PCDHGB7: variants seen among roughly 807,000 people sequenced by gnomAD.
PCDHGB7 encodes the protein protocadherin gamma subfamily B, 7, also known as protocadherin gamma-B7.
In PCDHGB7, 37 loss-of-function variants were observed where a neutral mutation model predicts 61.4. The ratio of observed to expected loss-of-function variants is 0.60; its 90% confidence interval spans 0.46 to 0.79. The LOEUF is 0.79. Among genes scored for constraint, PCDHGB7 ranks in the 30% least tolerant of loss-of-function variants. The probability of loss-of-function intolerance (pLI) is 0.00; values close to 1 mark genes in which losing one functional copy is unlikely to be tolerated. For missense variants in PCDHGB7, 1,166 were observed against 1,202.5 expected (o/e 0.97, Z 0.45); for synonymous variants, 464 against 503.5 (o/e 0.92, Z 1.05).
rs1213653891 is a variant in PCDHGB7 at position 141,419,687 on chromosome 5, C to T, written c.1828C>T (p.Gln610Ter). 1.9e-6 allele frequency: 3 copies of T among 1,612,692 alleles called. No individual in the cohort carries two copies. In the African/African-American group the frequency reaches 4.0e-5, roughly 22 times the overall value. The change falls in exon 1 of 4, where the codon CAG (glutamine) becomes TAG (stop). Residue 610 changes from glutamine to a stop codon, truncating the protein, a stop_gained. Transcript: ENST00000398594. LOFTEE classifies it high-confidence loss of function. Reference protein sequence around the residue: ...HNAWLSYHVVQASEPGLFSLG... With the variant: ...HNAWLSYHVV ...TGCCTGGCTGTCCTACCACGTGGTG[C>T]AGGCCAGTGAGCCCGGGCTCTTCAG...
chr5:141,491,119 G>A lies in PCDHGB7; in HGVS notation c.2416-3688G>A. 6.2e-7 allele frequency: 1 copy of A among 1,614,216 alleles called. No individual in the cohort carries two copies. The highest frequency in any genetic ancestry group is 1.1e-5 in the South Asian group (1 of 91,086). ...GTTCCTCGTGTCTACACACACTGGT[G>A]AGGTGCGCACAGCCCGGGCCTTACT... On this transcript the variant is annotated intron_variant, in intron 1 of 3. Transcript: ENST00000398594. The surrounding 1 kb of genome is among the most constrained non-coding windows in gnomAD (Gnocchi z 6.9).
intron 1 of PCDHGB7, chr5:141,423,846 C>G: frequency 1.6e-6 from 2 of 1,278,968 alleles, no homozygotes; most frequent in Non-Finnish European, 2.0e-6. Flanking sequence ...GATAATCTTT[C>G]AGAACGTTTT....
intron 1 of PCDHGB7, among the ~76,000 whole-genome samples, chr5:141,445,429 C>G (rs974775529): frequency 2.6e-5 from 4 of 152,200 alleles, no homozygotes; most frequent in Non-Finnish European, 5.9e-5. Flanking sequence ...ATGCAAGGCA[C>G]TGACCTATGG....
chr5:141,426,722 T>G (rs1022367359), intron 1 of PCDHGB7: 1 of 447,734 alleles, frequency 2.2e-6, no homozygotes, highest in Non-Finnish European at 4.6e-6. Context: ...AACTAGCAAT[T>G]CCAGGCATTC....
intron 2 of PCDHGB7, among the ~76,000 whole-genome samples, chr5:141,504,793 C>A (rs1256626821): frequency 9.9e-5 from 15 of 152,166 alleles, no homozygotes; most frequent in Admixed American, 3.9e-4. Context: ...GGGCCTCCTA[C>A]ATCTCCCCCT....
chr5:141,470,476 A>G (rs1009129571), intron 1 of PCDHGB7, among the ~76,000 whole-genome samples: 7 of 152,128 alleles, frequency 4.6e-5, no homozygotes, highest in African/African-American at 1.7e-4. Context: ...GATATTACTA[A>G]CCCTCTGGGA....
chr5:141,441,811 C>A (rs1007948586), intron 1 of PCDHGB7: 2 of 370,710 alleles, frequency 5.4e-6, no homozygotes, highest in African/African-American at 2.2e-5. Flanking sequence ...GTGCTGTACC[C>A]CAGCTCTGGA....
At chr5:141,456,453 A>G (rs1395554812) in intron 1 of PCDHGB7, among the ~76,000 whole-genome samples, 1 of 152,190 alleles carries the variant, frequency 6.6e-6, no homozygotes, top group Non-Finnish European at 1.5e-5. Flanking sequence ...GAGTCCAAAT[A>G]TCAATACAAG....
At chr5:141,469,233 C>T (rs2099194657) in intron 1 of PCDHGB7, among the ~76,000 whole-genome samples, 1 of 149,878 alleles carries the variant, frequency 6.7e-6, no homozygotes, top group African/African-American at 2.5e-5. Context: ...GCCATGATCA[C>T]CCCACTGCAC....
At chr5:141,427,570 C>G (rs1487817661) in intron 1 of PCDHGB7, 8 of 662,270 alleles carry the variant, frequency 1.2e-5, no homozygotes, top group Non-Finnish European at 2.2e-5. Flanking sequence ...GGCAAGCCTC[C>G]GCTCTCATCC....
rs1317717658 is a variant in PCDHGB7, at chr5:141,476,494, G to A, written c.2416-18313G>A. On this transcript the variant is annotated intron_variant, in intron 1 of 3. Coordinates refer to ENST00000398594, the MANE Select transcript of PCDHGB7 (RefSeq NM_018927.4). The surrounding 1 kb of genome is among the most constrained non-coding windows in gnomAD (Gnocchi z 7.6). ...TGTTCAGCGTGGAAGTGGTGATCCA[G>A]GACATCAACGACAACAATCCTGCTT... The A allele has an allele frequency of 6.2e-7, 1 of 1,614,012 alleles. No individual in the cohort carries two copies. The highest frequency in any genetic ancestry group is 8.5e-7 in the Non-Finnish European group (1 of 1,179,988).
chr5:141,444,410 A>G (rs2098435910), intron 1 of PCDHGB7, among the ~76,000 whole-genome samples: 1 of 151,922 alleles, frequency 6.6e-6, no homozygotes, highest in African/African-American at 2.4e-5. Flanking sequence ...ACCTCAGGTG[A>G]TCTTCCCTCC....
In PCDHGB7 at chr5:141,418,966, C is replaced by T. The variant is rs754269610; in HGVS notation, c.1107C>T (p.Phe369=). The T allele has an allele frequency of 2.7e-5, 44 of 1,613,892 alleles. No homozygotes were observed. Among genetic ancestry groups the T allele is most frequent in the Non-Finnish European group, 3.6e-5 (43 of 1,179,898 alleles). The change falls in exon 1 of 4, where the codon TTC becomes TTT. Residue 369 remains phenylalanine, a synonymous_variant. Transcript: ENST00000398594. ...CTCCAGGAGTGGTTGTTGCCCTCTT[C>T]AAAACACGGGACCAAGACTCAGGGG... The part of the protein sequence containing the change: ...DSPPGVVVAL[F]KTRDQDSGEN...
intron 1 of PCDHGB7, among the ~76,000 whole-genome samples, chr5:141,452,745 GGAA>G (rs2098748194): frequency 6.6e-6 from 1 of 152,054 alleles, no homozygotes; most frequent in Non-Finnish European, 1.5e-5. Flanking sequence ...AGAGAGAGAA[GGAA>G]GAAGGAAGGG....
At position 141,477,415 on chromosome 5, in the gene PCDHGB7, A is replaced by T. The variant is rs771293212; in HGVS notation, c.2416-17392A>T. On this transcript the variant is annotated intron_variant, in intron 1 of 3. Coordinates refer to ENST00000398594, the MANE Select transcript of PCDHGB7 (RefSeq NM_018927.4). This position sits in a 1 kb window ranked among gnomAD's most constrained non-coding sequence, Gnocchi z 4.9. ...TCAGCATCACCGCCCGAGACGCCGG[A>T]ACCCCTTCCCTCTCAGCCCTTACAA... 12 of 1,614,162 alleles carry T rather than the reference A, an allele frequency of 7.4e-6. No individual in the cohort carries two copies. The highest frequency in any genetic ancestry group is 1.0e-5 in the Non-Finnish European group (12 of 1,180,020).
At chr5:141,429,500 A>C (rs1050435175) in intron 1 of PCDHGB7, among the ~76,000 whole-genome samples, 1 of 152,148 alleles carries the variant, frequency 6.6e-6, no homozygotes, top group Non-Finnish European at 1.5e-5. Flanking sequence ...CAGTTGCCTG[A>C]AACTGTGCCT....
At chr5:141,488,797 T>G (rs1451050520) in intron 1 of PCDHGB7, among the ~76,000 whole-genome samples, 6 of 152,158 alleles carry the variant, frequency 3.9e-5, no homozygotes, top group Non-Finnish European at 8.8e-5. Context: ...TCTTCCCTGT[T>G]GAGTACCATC....
chr5:141,450,085 C>T (rs997781052), intron 1 of PCDHGB7, among the ~76,000 whole-genome samples: 3 of 149,208 alleles, frequency 2.0e-5, no homozygotes, highest in Non-Finnish European at 4.4e-5. Context: ...TGGCTCACTG[C>T]AACCTCCGCC....
At position 141,497,209 on chromosome 5, in the gene PCDHGB7, T is replaced by TG. The variant is rs11343387; in HGVS notation, c.2474+2353dup. On this transcript the variant is annotated intron_variant, in intron 2 of 3. Coordinates refer to ENST00000398594, the MANE Select transcript of PCDHGB7 (RefSeq NM_018927.4). ...GAGGCAGAGAACAATGTGAGTGTAA[T>TG]GGGGGGGGGAAGATCAGAGAAGGCT... Among the ~76,000 whole-genome samples the TG allele has an allele frequency of 1.3e-3, 196 of 151,342 alleles. 1 individual carries two copies. The South Asian group carries it at 0.02, about 15-fold the overall frequency.
Sources: allele counts gnomAD v4.1 joint callset (sites outside exome capture counted in the v4.1 genomes callset), GRCh38; gene constraint gnomAD v4.1.1; non-coding constraint Gnocchi (gnomAD v3.1); transcripts MANE v1.5; gene names NCBI Gene and HGNC (gene_info 2026-07-23, HGNC 2026-07-21).